Variants in ELMO1 observed in about 807,000 individuals in gnomAD.
ELMO1 encodes engulfment and cell motility protein 1.
A neutral mutation model predicts 98.9 loss-of-function variants in ELMO1; 26 were observed. The ratio of observed to expected loss-of-function variants is 0.26; its 90% CI spans 0.19 to 0.36. The LOEUF (loss-of-function observed/expected upper bound fraction) is 0.36, where lower values mean the gene tolerates loss of function less well. ELMO1 is among the 10% of genes least tolerant of loss of function. The pLI is 1.00. For missense variants in ELMO1, 627 were observed against 935.2 expected, an observed-to-expected ratio of 0.67 and a Z score of 4.30; for synonymous variants, 346 against 346.0, an observed-to-expected ratio of 1.00 and a Z score of 0.00.
rs148150607 is a variant in ELMO1, at chr7:36,950,684, G to A, written c.1438-55667C>T. 1.3e-5 allele frequency among the ~76,000 whole-genome samples: 2 copies of A among 152,224 alleles called. 1 individual carries two copies. The highest frequency in any genetic ancestry group is 4.1e-4 in the South Asian group (2 of 4,834). ...CGAGTCATTTAGGTATTTCTCAAAT[G>A]TTCACTGCACACAAGACATTGCGCT... On this transcript the variant is annotated intron_variant, in intron 16 of 21. Coordinates refer to ENST00000310758, the MANE Select transcript of ELMO1 (RefSeq NM_014800.11).
At chr7:37,069,079 C>G (rs1245287127) in intron 15 of ELMO1, among the ~76,000 whole-genome samples, 1 of 152,104 alleles carries the variant, frequency 6.6e-6, no homozygotes, top group African/African-American at 2.4e-5. Flanking sequence ...CTTCATTCCT[C>G]TAAGATTGCA....
intron 13 of ELMO1, among the ~76,000 whole-genome samples, chr7:37,137,734 G>C (rs1229226688): frequency 1.3e-5 from 2 of 152,008 alleles, no homozygotes; most frequent in Non-Finnish European, 1.5e-5. Context: ...ACAGGGTTTT[G>C]CCACGTTGAC....
Position 37,384,517 on chromosome 7 carries a change from A to G in ELMO1, c.-73-41754T>C, listed in dbSNP as rs150059630. Among the ~76,000 whole-genome samples, 628 of 152,138 alleles carry G rather than the reference A, an allele frequency of 4.1e-3. 3 individuals carry two copies. The highest frequency in any genetic ancestry group is 0.01 in the Middle Eastern group (3 of 294). On this transcript the variant is annotated intron_variant, in intron 1 of 21. Transcript: ENST00000310758. Reference sequence around the variant, plus strand: ...GGGCGGATCACGAGGTCAGGAGATCAAGACCATCCTGGCTAACAAGGTGAA... The same window carrying G: ...GGGCGGATCACGAGGTCAGGAGATCGAGACCATCCTGGCTAACAAGGTGAA...
intron 14 of ELMO1, among the ~76,000 whole-genome samples, chr7:37,111,248 C>T (rs965950418): frequency 2.6e-5 from 4 of 152,200 alleles, no homozygotes; most frequent in Non-Finnish European, 1.5e-5. Flanking sequence ...ACATGACTCA[C>T]CCATTGAAAA....
At chr7:36,985,246 G>A in intron 16 of ELMO1, 1 of 361,894 alleles carries the variant, frequency 2.8e-6, no homozygotes, top group Non-Finnish European at 3.8e-6. Context: ...TCAGGGGTTT[G>A]AAAGGATGCA....
chr7:36,907,007 C>T (rs1270081083), intron 16 of ELMO1, among the ~76,000 whole-genome samples: 1 of 152,146 alleles, frequency 6.6e-6, no homozygotes, highest in African/African-American at 2.4e-5. Context: ...CCCAGCAGGA[C>T]CTTGAGCCCT....
rs1217833048 is a variant in ELMO1 at position 37,351,611 on chromosome 7, G to T, written c.-73-8848C>A. ...CCTAACACTTTTCCTTCAGTTCTCT[G>T]TACTACCCTAACATCCTTCCTAGAT... On this transcript the variant is annotated intron_variant, in intron 1 of 21. Transcript: ENST00000310758. Among the ~76,000 whole-genome samples the T allele has an allele frequency of 8.5e-5, 13 of 152,146 alleles. 1 individual carries two copies. Among genetic ancestry groups the T allele is most frequent in the Admixed American group, 8.5e-4 (13 of 15,274 alleles).
Position 37,009,104 on chromosome 7 carries a change from T to G in ELMO1, c.1437+4195A>C, listed in dbSNP as rs150941741. On this transcript the variant is annotated intron_variant, in intron 16 of 21. Coordinates refer to ENST00000310758, the MANE Select transcript of ELMO1 (RefSeq NM_014800.11). Reference sequence around the variant, plus strand: ...AGTAGTTAGCCACACATGCTTTAAATGAGATTCCCATACCTAAAATATCCA... The same window carrying G: ...AGTAGTTAGCCACACATGCTTTAAAGGAGATTCCCATACCTAAAATATCCA... 3.9e-5 allele frequency among the ~76,000 whole-genome samples: 6 copies of G among 152,130 alleles called. No individual in the cohort carries two copies. In the East Asian group the frequency reaches 7.7e-4, roughly 20 times the overall value.
intron 13 of ELMO1, among the ~76,000 whole-genome samples, chr7:37,197,713 C>T (rs776613545): frequency 2.0e-5 from 3 of 152,222 alleles, no homozygotes; most frequent in Non-Finnish European, 2.9e-5. Context: ...CTCTTGCCTG[C>T]ACCCCAGAAT....
intron 16 of ELMO1, among the ~76,000 whole-genome samples, chr7:36,989,127 C>T (rs944029959): frequency 6.6e-6 from 1 of 152,192 alleles, no homozygotes; most frequent in Non-Finnish European, 1.5e-5. Flanking sequence ...CCTAGCAGTT[C>T]ATAATCCAGT....
chr7:37,075,676 T>C (rs1054728533), intron 15 of ELMO1, among the ~76,000 whole-genome samples: 1 of 152,088 alleles, frequency 6.6e-6, no homozygotes, highest in Non-Finnish European at 1.5e-5. Flanking sequence ...TCATTCTTAT[T>C]TTCTAATCTA....
chr7:37,159,733 T>C (rs1324570238), intron 13 of ELMO1, among the ~76,000 whole-genome samples: 7 of 152,020 alleles, frequency 4.6e-5, no homozygotes, highest in Admixed American at 4.6e-4. Flanking sequence ...TTCAGGGGAC[T>C]AATATACATC....
chr7:36,997,163 A>G (rs910198243), intron 16 of ELMO1, among the ~76,000 whole-genome samples: 1 of 152,210 alleles, frequency 6.6e-6, no homozygotes, highest in Non-Finnish European at 1.5e-5. Context: ...AACTGAGTCC[A>G]TAAGTGAAAG....
At chr7:37,381,120 C>T (rs1802561135) in intron 1 of ELMO1, among the ~76,000 whole-genome samples, 1 of 152,196 alleles carries the variant, frequency 6.6e-6, no homozygotes, top group African/African-American at 2.4e-5. Context: ...CACAAAAGTG[C>T]CTTAAGCACT....
chr7:37,282,218 G>C (rs1173367295), intron 4 of ELMO1, among the ~76,000 whole-genome samples: 3 of 152,144 alleles, frequency 2.0e-5, no homozygotes, highest in Admixed American at 6.5e-5. Flanking sequence ...AGGGAGGAAG[G>C]CTTCCGATCC....
chr7:36,916,621 T>C (rs1784710029), intron 16 of ELMO1, among the ~76,000 whole-genome samples: 1 of 152,252 alleles, frequency 6.6e-6, no homozygotes, highest in African/African-American at 2.4e-5. Context: ...TTTACTTACA[T>C]AGTGCCTAAA....
At chr7:37,419,554 T>A (rs1409418323) in intron 1 of ELMO1, 1 of 152,238 alleles carries the variant, frequency 6.6e-6, no homozygotes, top group Non-Finnish European at 1.5e-5. Flanking sequence ...GCCATTTACA[T>A]AGAGGTGTCA....
At chr7:37,219,252 G>A (rs1331015231) in intron 10 of ELMO1, among the ~76,000 whole-genome samples, 2 of 152,158 alleles carry the variant, frequency 1.3e-5, no homozygotes. Flanking sequence ...CCTCACAGAT[G>A]CAAAGGAAAA....
intron 4 of ELMO1, among the ~76,000 whole-genome samples, chr7:37,304,238 C>T (rs1243377510): frequency 1.3e-5 from 2 of 152,054 alleles, no homozygotes; most frequent in Non-Finnish European, 1.5e-5. Context: ...GCAAAGACAC[C>T]AGGGCAAAAG....
Sources: allele counts gnomAD v4.1 joint callset (sites outside exome capture counted in the v4.1 genomes callset), GRCh38; gene constraint gnomAD v4.1.1; transcripts MANE v1.5; gene names NCBI Gene and HGNC (gene_info 2026-07-23, HGNC 2026-07-21).